The following CRYBG3 variants were observed in gnomAD, a reference collection of about 807,000 sequenced individuals.
CRYBG3 encodes very large A-kinase anchor protein.
A neutral mutation model predicts 244.2 loss-of-function variants in CRYBG3; 127 were observed. The ratio of observed to expected loss-of-function variants is 0.52; its 90% confidence interval spans 0.45 to 0.60. CRYBG3 has a LOEUF of 0.60. Among genes scored for constraint, CRYBG3 ranks in the 20% least tolerant of loss-of-function variants. CRYBG3 has a pLI of 0.00. For synonymous variants in CRYBG3, 1,132 were observed against 1,195.8 expected (o/e 0.95, Z 1.10); for missense variants, 3,325 against 3,442.5 (o/e 0.97, Z 0.85).
chr3:97,827,182 T>A (rs1423218413), intron 1 of CRYBG3, among the ~76,000 whole-genome samples: 2 of 152,212 alleles, frequency 1.3e-5, no homozygotes, highest in Non-Finnish European at 2.9e-5. Flanking sequence ...GCAGTGCTTT[T>A]TTTTTGATGG....
At chr3:97,895,632 A>G (rs950670946) in intron 11 of CRYBG3, among the ~76,000 whole-genome samples, 6 of 152,320 alleles carry the variant, frequency 3.9e-5, no homozygotes, top group East Asian at 3.9e-4. Context: ...CTCATTGGCT[A>G]TATGCACTTT....
At chr3:97,839,052 G>A (rs1156907396) in intron 1 of CRYBG3, among the ~76,000 whole-genome samples, 2 of 152,272 alleles carry the variant, frequency 1.3e-5, no homozygotes, top group Non-Finnish European at 2.9e-5. Flanking sequence ...ATTTAGAAAT[G>A]TAAGGTGGTT....
chr3:97,833,950 C>T (rs1196040889), intron 1 of CRYBG3, among the ~76,000 whole-genome samples: 1 of 152,058 alleles, frequency 6.6e-6, no homozygotes, highest in Non-Finnish European at 1.5e-5. Context: ...AGAAAGGAAA[C>T]AAGGGGTCAG....
chr3:97,837,194 T>C (rs2038746751), intron 1 of CRYBG3: 1 of 152,300 alleles, frequency 6.6e-6, no homozygotes, highest in Admixed American at 6.5e-5. Context: ...TTATTTTTCA[T>C]TTAATCCAAG....
chr3:97,857,832 A>G (rs1465561848), intron 2 of CRYBG3, among the ~76,000 whole-genome samples: 1 of 152,092 alleles, frequency 6.6e-6, no homozygotes, highest in Admixed American at 6.6e-5. Flanking sequence ...TATTATTGAT[A>G]AATAAGGACT....
rs1382285804 is a variant in CRYBG3, at chr3:97,943,516, A to G, written c.*202A>G. ...ATTCTTGCCATTACTCAGTGTTCCT[A>G]TAAAGAAAATATTATGATATCTTGG... On this transcript the variant is annotated 3_prime_UTR_variant, in exon 22 of 22. Transcript: ENST00000389622. 6 of 517,152 alleles carry G rather than the reference A, an allele frequency of 1.2e-5. No homozygotes were observed. In the East Asian group the frequency reaches 1.5e-4, roughly 13 times the overall value. 32.0% of individuals were successfully genotyped at this position (517,152 alleles called of 1,614,324 possible). A position where few individuals can be genotyped will look rare whatever the true frequency, so the allele number is the denominator to read the frequency against.
At chr3:97,878,228 G>A (rs1226073650) in intron 4 of CRYBG3, among the ~76,000 whole-genome samples, 191 bp downstream of exon 4, 1 of 152,076 alleles carries the variant, frequency 6.6e-6, no homozygotes, top group African/African-American at 2.4e-5. Context: ...GGCCAAGATG[G>A]TGAAACCTTG....
rs778138108 is a variant in CRYBG3 at position 97,864,487 on chromosome 3, C to A, written c.487C>A (p.His163Asn). The A allele has an allele frequency of 1.3e-6, 2 of 1,535,978 alleles. No homozygotes were observed. Among genetic ancestry groups the A allele is most frequent in the Non-Finnish European group, 8.7e-7 (1 of 1,146,834 alleles). ...GGATTTACAAAATCCCAGTGACCAT[C>A]ATGAAGACGGGATCAAAAGGGAGAG... The part of the protein sequence containing the change: ...EKDLQNPSDH[H>N]EDGIKREREI... The change falls in exon 3 of 22, where the codon CAT becomes AAT. Residue 163 changes from histidine to asparagine, a missense_variant. Physicochemically the swap from His to Asn is moderately conservative, Grantham distance 68. Around this residue, in one of 4 missense-constraint regions of CRYBG3, gnomAD observed 1,526 missense variants for 1,443.2 expected, o/e 1.06. Transcript: ENST00000389622.
chr3:97,904,188 T>C (rs1319301632), intron 15 of CRYBG3, among the ~76,000 whole-genome samples: 1 of 152,170 alleles, frequency 6.6e-6, no homozygotes, highest in East Asian at 1.9e-4. Context: ...GGTTTCTCTA[T>C]GGACAATCCT....
At chr3:97,883,232 G>T (rs2039470326) in intron 7 of CRYBG3, among the ~76,000 whole-genome samples, 1 of 152,152 alleles carries the variant, frequency 6.6e-6, no homozygotes, top group African/African-American at 2.4e-5. Flanking sequence ...TGGCTGAAGT[G>T]GAGAGAGCAA....
chr3:97,824,678 A>G (rs1403970072), intron 1 of CRYBG3, among the ~76,000 whole-genome samples: 1 of 152,230 alleles, frequency 6.6e-6, no homozygotes, highest in Non-Finnish European at 1.5e-5. Flanking sequence ...GCCTATTAGC[A>G]TCAACACTAT....
intron 1 of CRYBG3, among the ~76,000 whole-genome samples, chr3:97,831,077 G>C (rs1350863813): frequency 6.6e-6 from 1 of 152,112 alleles, no homozygotes; most frequent in East Asian, 1.9e-4. Flanking sequence ...GCATGCAGGG[G>C]GAAAAAATTG....
intron 17 of CRYBG3, among the ~76,000 whole-genome samples, chr3:97,921,884 C>G (rs952595986): frequency 1.3e-5 from 2 of 152,082 alleles, no homozygotes; most frequent in African/African-American, 4.8e-5. Context: ...CTCTAATTTC[C>G]CCACTGGGGC....
rs1176435413 is a variant in CRYBG3, at chr3:97,873,528, A to G, written c.2334A>G (p.Gln778=). Residue 778 remains glutamine (Q), a synonymous_variant, in exon 4 of 22, where the codon CAA becomes CAG. Coordinates refer to ENST00000389622, the MANE Select transcript of CRYBG3 (RefSeq NM_153605.4). ...AGGATTGCAGTTCCATTTTATCTCA[A>G]GACCCTAATAGAGTAGAGTTAGTGT... ...LSKDCSSILS[Q]DPNRVELVSS... 1 of 1,536,018 alleles carries G rather than the reference A, an allele frequency of 6.5e-7. No individual in the cohort carries two copies. The highest frequency in any genetic ancestry group is 1.2e-5 in the South Asian group (1 of 84,060).
intron 12 of CRYBG3, among the ~76,000 whole-genome samples, chr3:97,897,388 G>C (rs7625668): frequency 1.3e-5 from 2 of 151,940 alleles, no homozygotes; most frequent in African/African-American, 4.8e-5. Context: ...TTAGTAGTAG[G>C]GAGTACTGTA....
intron 3 of CRYBG3, 128 bp downstream of exon 3, chr3:97,864,775 A>C (rs2039202606): frequency 1.5e-6 from 1 of 651,540 alleles, no homozygotes; most frequent in Admixed American, 3.0e-5. Context: ...CTACTGGGTA[A>C]GAAATTGTAT....
intron 15 of CRYBG3, among the ~76,000 whole-genome samples, chr3:97,901,912 G>T (rs1204008667): frequency 1.3e-5 from 2 of 152,120 alleles, no homozygotes; most frequent in African/African-American, 4.8e-5. Context: ...TTATTGCCTT[G>T]TGAAATAAGC....
intron 15 of CRYBG3, among the ~76,000 whole-genome samples, chr3:97,904,783 CTT>C (rs2039748354): frequency 6.8e-6 from 1 of 146,328 alleles, no homozygotes; most frequent in Non-Finnish European, 1.5e-5. Context: ...ACATGTGCAC[CTT>C]GTGCAGGTTA....
intron 12 of CRYBG3, 38 bp from the exon 13 acceptor site, chr3:97,898,845 A>G (rs765839621): frequency 6.9e-7 from 1 of 1,449,196 alleles, no homozygotes. Context: ...AAAACAGAAT[A>G]TGTATGTTTT....
Sources: gnomAD v4.1 joint callset for allele counts (sites outside exome capture counted in the v4.1 genomes callset) on GRCh38, gnomAD v4.1.1 for gene constraint, gnomAD v4.1.1 regional missense constraint, MANE v1.5 for transcripts, NCBI Gene and HGNC (gene_info 2026-07-23, HGNC 2026-07-21) for gene names.